Variants in MMP26 observed in about 807,000 individuals in gnomAD.
MMP26 encodes matrix metallopeptidase 26.
A neutral mutation model predicts 31.0 loss-of-function variants in MMP26; 33 were observed. The observed-to-expected ratio is 1.06, with a 90% confidence interval of 0.81 to 1.42. The LOEUF (loss-of-function observed/expected upper bound fraction) is 1.42. Ranked by LOEUF, MMP26 falls within the 40% of genes most tolerant of loss-of-function variation. The pLI, the probability that MMP26 is intolerant of heterozygous loss-of-function variation, is 0.00. For synonymous variants in MMP26, 122 were observed against 114.9 expected (o/e 1.06, Z -0.40); for missense variants, 347 against 316.1 (o/e 1.10, Z -0.74).
At position 4,912,032 on chromosome 11, in the gene MMP26, T is replaced by G. The variant is rs553071666; in HGVS notation, c.-144-76036T>G. Among the ~76,000 whole-genome samples the G allele has an allele frequency of 6.6e-5, 10 of 152,298 alleles. No homozygotes were observed. In the East Asian group the frequency reaches 1.9e-3, roughly 29 times the overall value. Reference sequence around the variant, plus strand: ...TGGCCCTCCTTCCCCTCAGGGTGGTTTCTGGGATCCCTCATTTATTTAACA... The same window carrying G: ...TGGCCCTCCTTCCCCTCAGGGTGGTGTCTGGGATCCCTCATTTATTTAACA... On this transcript the variant is annotated intron_variant, in intron 2 of 7. Coordinates refer to ENST00000380390, the MANE Select transcript of MMP26 (RefSeq NM_021801.5).
chr11:4,988,417 T>A lies in MMP26; in HGVS notation c.99+107T>A, dbSNP rs1846938734. 11 of 818,194 alleles carry A rather than the reference T, an allele frequency of 1.3e-5. No individual in the cohort carries two copies. In the South Asian group the frequency reaches 1.5e-4, roughly 11 times the overall value. The allele number at this position is 818,194 out of a possible 1,614,324, so 50.7% of individuals were successfully genotyped here. A position where few individuals can be genotyped will look rare whatever the true frequency, so the allele number is the denominator to read the frequency against. On this transcript the variant is annotated intron_variant, in intron 3 of 7. Transcript: ENST00000380390. ...CATGGTATAATGATAAATACACACA[T>A]TAATATTACACATGAAAACATTTTA...
intron 1 of MMP26, among the ~76,000 whole-genome samples, chr11:4,742,603 T>A (rs957622574): frequency 5.3e-5 from 8 of 151,832 alleles, no homozygotes; most frequent in African/African-American, 1.2e-4. Context: ...TCCTCAATTT[T>A]TATATATATA....
At position 4,915,197 on chromosome 11, in the gene MMP26, C is replaced by T. The variant is rs374071063; in HGVS notation, c.-144-72871C>T. The T allele has an allele frequency of 1.2e-5, 20 of 1,613,878 alleles. No individual in the cohort carries two copies. The highest frequency in any genetic ancestry group is 1.6e-4 in the Middle Eastern group (1 of 6,062). ...TAATGGAAAAATGAGTGCTACACTA[C>T]GACCCAGAGAGACCAGGCCAATCCT... On this transcript the variant is annotated intron_variant, in intron 2 of 7. Transcript: ENST00000380390.
intron 2 of MMP26, among the ~76,000 whole-genome samples, chr11:4,775,564 G>A (rs1848780286): frequency 6.6e-6 from 1 of 152,102 alleles, no homozygotes; most frequent in African/African-American, 2.4e-5. Context: ...AAGAATACCT[G>A]AGGCTGGGTA....
intron 2 of MMP26, chr11:4,860,270 A>C (rs114012042): frequency 6.4e-5 from 30 of 471,370 alleles, no homozygotes; most frequent in African/African-American, 4.4e-4. Context: ...TGCATGATGC[A>C]TGCATCAAAA....
intron 2 of MMP26, among the ~76,000 whole-genome samples, chr11:4,801,033 C>T (rs1849173902): frequency 6.6e-6 from 1 of 152,186 alleles, no homozygotes; most frequent in African/African-American, 2.4e-5. Flanking sequence ...ACTTCAAGTT[C>T]ATGTGGACTT....
chr11:4,879,162 A>C lies in MMP26; in HGVS notation c.-144-108906A>C, dbSNP rs1031856702. On this transcript the variant is annotated intron_variant, in intron 2 of 7. Coordinates refer to ENST00000380390, the MANE Select transcript of MMP26 (RefSeq NM_021801.5). ...GGCAGGAGAATTGCTTGAACCCAGG[A>C]GGTGGAAGTTGCAGTGACACGATAT... Among the ~76,000 whole-genome samples, 5 of 152,180 alleles carry C rather than the reference A, an allele frequency of 3.3e-5. No homozygotes were observed. The East Asian group carries it at 9.7e-4, about 30-fold the overall frequency.
chr11:4,707,557 C>T (rs1417092537), intron 1 of MMP26, among the ~76,000 whole-genome samples: 1 of 152,152 alleles, frequency 6.6e-6, no homozygotes, highest in Non-Finnish European at 1.5e-5. Flanking sequence ...ACTTGCTCTC[C>T]ACTTCAACTG....
rs188513235 is a variant in MMP26, at chr11:4,957,414, G to A, written c.-144-30654G>A. Among the ~76,000 whole-genome samples the A allele has an allele frequency of 3.9e-5, 6 of 152,248 alleles. No individual in the cohort carries two copies. The East Asian group carries it at 1.2e-3, about 29-fold the overall frequency. Reference sequence around the variant, plus strand: ...TCTACAAAGGGCATCCAGGTCAATTGCTCATCATAATGCCTTATTCTTTTT... The same window carrying A: ...TCTACAAAGGGCATCCAGGTCAATTACTCATCATAATGCCTTATTCTTTTT... On this transcript the variant is annotated intron_variant, in intron 2 of 7. Coordinates refer to ENST00000380390, the MANE Select transcript of MMP26 (RefSeq NM_021801.5).
chr11:4,804,992 A>G (rs1437551337), intron 2 of MMP26, among the ~76,000 whole-genome samples: 1 of 151,782 alleles, frequency 6.6e-6, no homozygotes, highest in East Asian at 1.9e-4. Context: ...AAAATGAATC[A>G]ATATTTTTCT....
intron 2 of MMP26, chr11:4,787,842 G>T (rs1753581462): frequency 6.6e-6 from 1 of 152,112 alleles, no homozygotes; most frequent in South Asian, 2.1e-4. Flanking sequence ...CTATCTTCAA[G>T]TTCTGCATTT....
At chr11:4,852,457 T>A (rs1849988602) in intron 2 of MMP26, among the ~76,000 whole-genome samples, 1 of 152,158 alleles carries the variant, frequency 6.6e-6, no homozygotes, top group African/African-American at 2.4e-5. Flanking sequence ...AAATAAGCTT[T>A]AATAATTTTT....
chr11:4,936,552 A>G (rs1251398264), intron 2 of MMP26, among the ~76,000 whole-genome samples: 1 of 152,142 alleles, frequency 6.6e-6, no homozygotes, highest in African/African-American at 2.4e-5. Flanking sequence ...TCTTACTTAG[A>G]TAAAAGATTG....
chr11:4,721,555 T>C (rs1373078971), intron 1 of MMP26, among the ~76,000 whole-genome samples: 1 of 152,218 alleles, frequency 6.6e-6, no homozygotes. Flanking sequence ...CTCTTTGTCT[T>C]ATCTCTCATC....
At chr11:4,912,397 T>C (rs966461690) in intron 2 of MMP26, among the ~76,000 whole-genome samples, 1 of 152,174 alleles carries the variant, frequency 6.6e-6, no homozygotes, top group Non-Finnish European at 1.5e-5. Context: ...AACTCCTTTA[T>C]GGGGACTGAA....
chr11:4,737,574 C>T lies in MMP26; in HGVS notation c.-216-29696C>T, dbSNP rs373823181. Among the ~76,000 whole-genome samples, 8 of 152,204 alleles carry T rather than the reference C, an allele frequency of 5.3e-5. No individual in the cohort carries two copies. The East Asian group carries it at 5.8e-4, about 11-fold the overall frequency. On this transcript the variant is annotated intron_variant, in intron 1 of 7. Coordinates refer to ENST00000380390, the MANE Select transcript of MMP26 (RefSeq NM_021801.5). ...AGGAGAATCGCTTGAACCCGGGAGG[C>T]GGAGGTTGCGGTGAGCCGAGATCAC...
intron 2 of MMP26, among the ~76,000 whole-genome samples, chr11:4,851,877 A>G (rs117279290): frequency 0.025 from 3,782 of 152,252 alleles, 76 homozygotes; most frequent in Non-Finnish European, 0.038. Context: ...GCAATGAAAA[A>G]GCAGTGGAAC....
At chr11:4,850,956 T>A (rs1383198894) in intron 2 of MMP26, among the ~76,000 whole-genome samples, 1 of 151,368 alleles carries the variant, frequency 6.6e-6, no homozygotes, top group Non-Finnish European at 1.5e-5. Flanking sequence ...GGAAGATAAA[T>A]GCAACAAAAC....
chr11:4,992,147 G>C, intron 7 of MMP26, 22 bp downstream of exon 7: 1 of 1,612,038 alleles, frequency 6.2e-7, no homozygotes, highest in Non-Finnish European at 8.5e-7. Context: ...TTAAGGAAGA[G>C]AAGGGAGATC....
Sources: gnomAD v4.1 joint callset for allele counts (sites outside exome capture counted in the v4.1 genomes callset) on GRCh38, gnomAD v4.1.1 for gene constraint, MANE v1.5 for transcripts, NCBI Gene and HGNC (gene_info 2026-07-23, HGNC 2026-07-21) for gene names.